The following ABCA13 variants were observed in gnomAD, a reference collection of about 807,000 sequenced individuals.
The protein encoded by ABCA13 is ATP binding cassette subfamily A member 13.
A neutral mutation model predicts 478.7 loss-of-function variants in ABCA13; 476 were observed. The ratio of observed to expected loss-of-function variants is 0.99; its 90% CI spans 0.92 to 1.07. ABCA13 has a LOEUF of 1.07. Ranked by LOEUF, ABCA13 falls within the 50% of genes least tolerant of loss-of-function variation. The probability of loss-of-function intolerance (pLI) is 0.00; values close to 1 mark genes in which losing one functional copy is unlikely to be tolerated. For synonymous variants in ABCA13, 2,252 were observed against 2,158.9 expected, an observed-to-expected ratio of 1.04 and a Z score of -1.20; for missense variants, 6,060 against 5,910.6, an observed-to-expected ratio of 1.03 and a Z score of -0.83.
intron 45 of ABCA13, among the ~76,000 whole-genome samples, chr7:48,472,713 T>A (rs983644011): frequency 6.6e-6 from 1 of 152,124 alleles, no homozygotes; most frequent in African/African-American, 2.4e-5. Context: ...GTGCTCCATT[T>A]ATATAGGGCT....
rs919937747 is a variant in ABCA13 at position 48,524,325 on chromosome 7, A to G, written c.14129A>G (p.Glu4710Gly). Residue 4710 changes from glutamate (E) to glycine (G), a missense_variant, in exon 54 of 62, where the codon GAA becomes GGA. By Grantham distance (98) the Glu-to-Gly change is moderately conservative (BLOSUM62 -2). Transcript: ENST00000435803. Reference protein sequence around the residue: ...DVEKEEKRVFEGRTNGDILVL... With the variant: ...DVEKEEKRVFGGRTNGDILVL... The stretch of plus-strand genomic sequence containing the variant: ...GAAAAAGAGGAAAAGAGAGTGTTTG[A>G]AGGAAGGACCAATGGAGACATTCTT... 1 of 1,613,290 alleles carries G rather than the reference A, an allele frequency of 6.2e-7. No homozygotes were observed. The highest frequency in any genetic ancestry group is 1.3e-5 in the African/African-American group (1 of 75,062).
intron 48 of ABCA13, among the ~76,000 whole-genome samples, chr7:48,502,282 A>G (rs1315719274): frequency 6.6e-6 from 1 of 152,220 alleles, no homozygotes; most frequent in Non-Finnish European, 1.5e-5. Context: ...GAATGACACA[A>G]ATCCAGGAAA....
intron 27 of ABCA13, among the ~76,000 whole-genome samples, chr7:48,326,971 A>T (rs1405630987): frequency 6.6e-6 from 1 of 152,200 alleles, no homozygotes; most frequent in Admixed American, 6.5e-5. Context: ...AGCAGGACAG[A>T]TAGAGAGTTT....
chr7:48,489,622 G>C (rs939798791), intron 48 of ABCA13, among the ~76,000 whole-genome samples: 1 of 152,144 alleles, frequency 6.6e-6, no homozygotes, highest in Admixed American at 6.5e-5. Context: ...ATTTTATTCT[G>C]TGACTTAATA....
chr7:48,266,792 A>T (rs1349212095), intron 15 of ABCA13, among the ~76,000 whole-genome samples: 3 of 151,732 alleles, frequency 2.0e-5, no homozygotes, highest in African/African-American at 7.2e-5. Flanking sequence ...ATTTGATACC[A>T]TTTTGTTTTC....
At chr7:48,418,958 C>T (rs1249917652) in intron 41 of ABCA13, among the ~76,000 whole-genome samples, 1 of 152,114 alleles carries the variant, frequency 6.6e-6, no homozygotes, top group Non-Finnish European at 1.5e-5. Flanking sequence ...GCAGGCTGTA[C>T]AGGAAACATA....
Position 48,520,298 on chromosome 7 carries a change from G to T in ABCA13, c.14051+4G>T, listed in dbSNP as rs184738546. On this transcript the variant is annotated splice_donor_region_variant and intron_variant, in intron 53 of 61. Transcript: ENST00000435803. ...GGGACCTTCTGCGATGGCCAAGGTG[G>T]GTTCTGAAGGACTCATCCTCGAGCT... 1.9e-4 allele frequency: 306 copies of T among 1,602,712 alleles called. 1 individual carries two copies. The highest frequency in any genetic ancestry group is 2.5e-4 in the Non-Finnish European group (298 of 1,172,256).
At chr7:48,238,919 C>A (rs918129355) in intron 8 of ABCA13, among the ~76,000 whole-genome samples, 1 of 152,170 alleles carries the variant, frequency 6.6e-6, no homozygotes, top group Non-Finnish European at 1.5e-5. Context: ...CTTTGTTAGT[C>A]CGAAGTATGA....
chr7:48,635,677 C>T (rs986419265), intron 59 of ABCA13, among the ~76,000 whole-genome samples: 1 of 152,178 alleles, frequency 6.6e-6, no homozygotes, highest in Non-Finnish European at 1.5e-5. Flanking sequence ...GGGAAGACAG[C>T]TCACTTACAG....
intron 20 of ABCA13, among the ~76,000 whole-genome samples, chr7:48,294,692 CG>C: frequency 6.6e-6 from 1 of 151,598 alleles, no homozygotes; most frequent in East Asian, 1.9e-4. Flanking sequence ...ATGATCCACC[CG>C]CCTCGGCCTC....
chr7:48,566,305 C>A (rs1787057932), intron 55 of ABCA13, among the ~76,000 whole-genome samples: 2 of 152,154 alleles, frequency 1.3e-5, no homozygotes, highest in South Asian at 4.1e-4. Context: ...TTGAAGCTCA[C>A]TTTTCTGTCC....
intron 8 of ABCA13, among the ~76,000 whole-genome samples, chr7:48,238,428 GT>G (rs1236955191): frequency 3.3e-5 from 5 of 151,726 alleles, no homozygotes; most frequent in African/African-American, 1.2e-4. Context: ...ATAAACATAA[GT>G]ATTTACAAAG....
chr7:48,639,781 T>C (rs1339771048), intron 59 of ABCA13, among the ~76,000 whole-genome samples: 1 of 152,206 alleles, frequency 6.6e-6, no homozygotes, highest in Non-Finnish European at 1.5e-5. Flanking sequence ...CCAAGAAGAA[T>C]TTTATGCGTT....
intron 14 of ABCA13, among the ~76,000 whole-genome samples, chr7:48,248,742 G>T (rs1040484457): frequency 6.6e-6 from 1 of 152,148 alleles, no homozygotes; most frequent in African/African-American, 2.4e-5. Context: ...CTCAGAAATT[G>T]TGCACTAAGT....
intron 7 of ABCA13, among the ~76,000 whole-genome samples, chr7:48,231,564 G>A (rs1789082581): frequency 6.6e-6 from 1 of 152,172 alleles, no homozygotes; most frequent in Non-Finnish European, 1.5e-5. Context: ...GCCGGTGTGA[G>A]GAGTAGATTG....
At chr7:48,398,875 C>T (rs745991170) in intron 38 of ABCA13, among the ~76,000 whole-genome samples, 38 of 152,140 alleles carry the variant, frequency 2.5e-4, no homozygotes, top group Non-Finnish European at 3.8e-4. Context: ...AACAGCCAAG[C>T]AGGCAAGAAA....
At position 48,298,402 on chromosome 7, in the gene ABCA13, A is replaced by G. The variant is rs773816227; in HGVS notation, c.9236A>G (p.Lys3079Arg). Residue 3079 changes from lysine (K) to arginine (R), a missense_variant, in exon 23 of 62, where the codon AAG becomes AGG. By Grantham distance (26) the Lys-to-Arg change is conservative. Transcript: ENST00000435803. ...KIKDLMKNIT[K>R]LTEELRSSIQ... ...AAAGATTTGATGAAGAATATCACCA[A>G]GTTGACTGAGGAGCTTCGCTCTTCC... is the stretch of plus-strand genomic sequence containing the variant. 4 of 1,612,242 alleles carry G rather than the reference A, an allele frequency of 2.5e-6. No individual in the cohort carries two copies. Among genetic ancestry groups the G allele is most frequent in the Non-Finnish European group, 3.4e-6 (4 of 1,178,972 alleles).
Position 48,295,769 on chromosome 7 carries a change from A to G in ABCA13, c.9025A>G (p.Thr3009Ala). The change falls in exon 21 of 62, where the codon ACC becomes GCC. Residue 3009 changes from threonine to alanine, a missense_variant. By Grantham distance (58) the Thr-to-Ala change is moderately conservative. This residue lies in a region of ABCA13 where 4,423 missense variants were observed against 4,309.1 expected (regional missense o/e 1.03). Coordinates refer to ENST00000435803, the MANE Select transcript of ABCA13 (RefSeq NM_152701.5). ...CESLSKNLSS[T>A]LESFKSSLEN... is the part of the protein sequence containing the mutation. ...AAGTCTTAGCAAGAATCTTTCTAGCACCTTGGAGAGCTTCAAGAGCAGCTT... is the reference window on the plus strand; with the variant it reads ...AAGTCTTAGCAAGAATCTTTCTAGCGCCTTGGAGAGCTTCAAGAGCAGCTT... The G allele has an allele frequency of 1.2e-6, 2 of 1,614,032 alleles. No homozygotes were observed. The highest frequency in any genetic ancestry group is 1.7e-6 in the Non-Finnish European group (2 of 1,179,888).
chr7:48,436,001 T>C (rs1456866340), intron 42 of ABCA13, among the ~76,000 whole-genome samples: 1 of 151,152 alleles, frequency 6.6e-6, no homozygotes, highest in African/African-American at 2.4e-5. Context: ...TTCCTTTGGC[T>C]TCATAACTCA....
Sources: allele counts gnomAD v4.1 joint callset (sites outside exome capture counted in the v4.1 genomes callset), GRCh38; gene constraint gnomAD v4.1.1; regional missense constraint gnomAD v4.1.1; transcripts MANE v1.5; gene names NCBI Gene and HGNC (gene_info 2026-07-23, HGNC 2026-07-21).